MECOM: variants seen among roughly 807,000 people sequenced by gnomAD.
The protein encoded by MECOM is MDS1 and EVI1 complex locus.
MECOM carries 13 observed loss-of-function variants against 116.3 expected under a neutral mutation model. The ratio of observed to expected loss-of-function variants is 0.11; its 90% CI spans 0.07 to 0.18. The LOEUF is 0.18. MECOM is among the 10% of genes least tolerant of loss of function. The pLI is 1.00. For synonymous variants in MECOM, 528 were observed against 535.2 expected, an observed-to-expected ratio of 0.99 and a Z score of 0.19; for missense variants, 1,299 against 1,509.0, an observed-to-expected ratio of 0.86 and a Z score of 2.31.
At chr3:169,612,032 C>G (rs1297688457) in intron 1 of MECOM, among the ~76,000 whole-genome samples, 1 of 152,118 alleles carries the variant, frequency 6.6e-6, no homozygotes, top group Non-Finnish European at 1.5e-5. Flanking sequence ...GTGCTAGTAG[C>G]CAACCTCCCG....
intron 15 of MECOM, 150 bp from the exon 16 acceptor site, chr3:169,089,333 ATACT>A (rs759188024): frequency 7.0e-5 from 34 of 485,532 alleles, no homozygotes; most frequent in Non-Finnish European, 1.1e-4. Flanking sequence ...GTTTTTATAA[ATACT>A]TACAAACATC....
At chr3:169,305,671 T>G (rs1037480691) in intron 2 of MECOM, among the ~76,000 whole-genome samples, 1 of 152,236 alleles carries the variant, frequency 6.6e-6, no homozygotes, top group Non-Finnish European at 1.5e-5. Context: ...ATTAGTGTTC[T>G]GTTTCATGCT....
chr3:169,400,452 A>G (rs554200710), intron 1 of MECOM, among the ~76,000 whole-genome samples: 1 of 152,342 alleles, frequency 6.6e-6, no homozygotes, highest in South Asian at 2.1e-4. Context: ...GCCCTTTGGA[A>G]ATTCTCAACA....
At chr3:169,173,431 C>A (rs13073742) in intron 2 of MECOM, among the ~76,000 whole-genome samples, 1 of 152,100 alleles carries the variant, frequency 6.6e-6, no homozygotes, top group African/African-American at 2.4e-5. Flanking sequence ...ATACTTCTAA[C>A]CACAAGCTCA....
intron 2 of MECOM, among the ~76,000 whole-genome samples, chr3:169,165,622 A>C (rs564654470): frequency 6.6e-6 from 1 of 152,282 alleles, no homozygotes; most frequent in Non-Finnish European, 1.5e-5. Flanking sequence ...ACCATACGAA[A>C]TTTGAGGCAT....
chr3:169,105,600 G>A (rs1725126675), intron 10 of MECOM, among the ~76,000 whole-genome samples: 1 of 152,050 alleles, frequency 6.6e-6, no homozygotes, highest in South Asian at 2.1e-4. Context: ...GGAAATCAAA[G>A]GGGTAAAATT....
chr3:169,634,435 C>T (rs377473383), intron 1 of MECOM, among the ~76,000 whole-genome samples: 2 of 152,312 alleles, frequency 1.3e-5, no homozygotes, highest in Admixed American at 6.5e-5. Flanking sequence ...GTTAAACCCA[C>T]ACCCTGTCTT....
chr3:169,489,008 T>A (rs1752746986), intron 1 of MECOM, among the ~76,000 whole-genome samples: 1 of 152,006 alleles, frequency 6.6e-6, no homozygotes, highest in Non-Finnish European at 1.5e-5. Flanking sequence ...AATTAATTTT[T>A]TAAAAGGAAG....
chr3:169,515,613 A>T (rs7624529), intron 1 of MECOM, among the ~76,000 whole-genome samples: 38,164 of 151,974 alleles, frequency 0.25, 5,338 homozygotes, highest in East Asian at 0.47. Context: ...AGGCATCATC[A>T]TCTGCATTCA....
chr3:169,460,822 G>A (rs1747318102), intron 1 of MECOM, among the ~76,000 whole-genome samples: 2 of 152,068 alleles, frequency 1.3e-5, no homozygotes, highest in East Asian at 1.9e-4. Context: ...AGCAAAGCAT[G>A]GTGCCACACA....
chr3:169,452,230 G>C (rs1321272931), intron 1 of MECOM, among the ~76,000 whole-genome samples: 1 of 151,966 alleles, frequency 6.6e-6, no homozygotes, highest in Non-Finnish European at 1.5e-5. Context: ...TTCTTTGAAA[G>C]GCCAAGTGAT....
intron 1 of MECOM, among the ~76,000 whole-genome samples, chr3:169,535,893 GGTT>G (rs1409085765): frequency 2.0e-5 from 3 of 152,138 alleles, no homozygotes; most frequent in Non-Finnish European, 2.9e-5. Context: ...TGTCTAATAG[GGTT>G]GTTGTGAGAA....
At chr3:169,629,900 C>A (rs1199573335) in intron 1 of MECOM, among the ~76,000 whole-genome samples, 1 of 152,184 alleles carries the variant, frequency 6.6e-6, no homozygotes, top group Non-Finnish European at 1.5e-5. Context: ...CACAGGCTGC[C>A]CAGCCATCCA....
In MECOM at chr3:169,585,542, A is replaced by G. The variant is rs1765681824; in HGVS notation, c.37+77794T>C. On this transcript the variant is annotated intron_variant, in intron 1 of 16. Coordinates refer to ENST00000651503, the MANE Select transcript of MECOM (RefSeq NM_004991.4). ...TCGCCTCTACCTCACCAACCCACCCAAAGTCCCTAACACCAGGGCCAAGAA... is the reference window on the plus strand; with the variant it reads ...TCGCCTCTACCTCACCAACCCACCCGAAGTCCCTAACACCAGGGCCAAGAA... Among the ~76,000 whole-genome samples the G allele has an allele frequency of 4.6e-5, 7 of 152,300 alleles. No individual in the cohort carries two copies. In the South Asian group the frequency reaches 1.2e-3, roughly 27 times the overall value.
At chr3:169,232,847 T>C (rs1331784698) in intron 2 of MECOM, among the ~76,000 whole-genome samples, 1 of 152,038 alleles carries the variant, frequency 6.6e-6, no homozygotes, top group African/African-American at 2.4e-5. Context: ...TAAACTCTAG[T>C]GCCAAGCTGA....
intron 2 of MECOM, among the ~76,000 whole-genome samples, chr3:169,170,798 C>A (rs1182732397): frequency 1.3e-5 from 2 of 152,154 alleles, no homozygotes. Context: ...AAAAGGAATT[C>A]TATTAACCCA....
At chr3:169,532,955 G>A (rs1758843599) in intron 1 of MECOM, among the ~76,000 whole-genome samples, 1 of 152,114 alleles carries the variant, frequency 6.6e-6, no homozygotes, top group South Asian at 2.1e-4. Flanking sequence ...TTTTATGAAG[G>A]TGGTATAGAC....
intron 2 of MECOM, among the ~76,000 whole-genome samples, chr3:169,158,224 T>G (rs1249250208): frequency 6.6e-6 from 1 of 152,192 alleles, no homozygotes; most frequent in African/African-American, 2.4e-5. Context: ...TAAAACTGTT[T>G]ATCATTGTCC....
At chr3:169,499,035 T>C (rs1405232912) in intron 1 of MECOM, among the ~76,000 whole-genome samples, 2 of 151,868 alleles carry the variant, frequency 1.3e-5, no homozygotes, top group Non-Finnish European at 2.9e-5. Context: ...TCTCACAGAA[T>C]GTAAAGAGAT....
Sources: gnomAD v4.1 joint callset for allele counts (sites outside exome capture counted in the v4.1 genomes callset) on GRCh38, gnomAD v4.1.1 for gene constraint, MANE v1.5 for transcripts, NCBI Gene and HGNC (gene_info 2026-07-23, HGNC 2026-07-21) for gene names.